Variants in RUFY2 observed in about 807,000 individuals in gnomAD.
The protein encoded by RUFY2 is RUN and FYVE domain-containing protein 2.
A neutral mutation model predicts 94.4 loss-of-function variants in RUFY2; 49 were observed. The observed-to-expected ratio is 0.52, with a 90% confidence interval of 0.41 to 0.66. The LOEUF is 0.66. Among genes scored for constraint, RUFY2 ranks in the 30% least tolerant of loss-of-function variants. The pLI is 0.00. For synonymous variants in RUFY2, 255 were observed against 235.7 expected, an observed-to-expected ratio of 1.08 and a Z score of -0.75; for missense variants, 541 against 692.8, an observed-to-expected ratio of 0.78 and a Z score of 2.46.
In RUFY2 at chr10:68,377,512, C is replaced by CTA. The variant is rs1554886011; in HGVS notation, c.1206-541_1206-540insTA. The CTA allele has an allele frequency of 3.5e-6, 3 of 859,640 alleles. No homozygotes were observed. The Admixed American group carries it at 1.9e-4, about 54-fold the overall frequency. The allele number at this position is 859,640 out of a possible 1,614,324, so 53.3% of individuals were successfully genotyped here. A position where few individuals can be genotyped will look rare whatever the true frequency, so the allele number is the denominator to read the frequency against. ...GCATTTACTAAATTATGCCGAAGCT[C>CTA]TGTGTGTGTGTGTGTGTGCACGTGT... On this transcript the variant is annotated intron_variant, in intron 12 of 17. Transcript: ENST00000602465.
rs373926305 is a variant in RUFY2 at position 68,363,620 on chromosome 10, G to C, written c.1520C>G (p.Ala507Gly). 6 of 1,608,150 alleles carry C rather than the reference G, an allele frequency of 3.7e-6. No homozygotes were observed. The highest frequency in any genetic ancestry group is 4.2e-6 in the Non-Finnish European group (5 of 1,178,208). The change falls in exon 15 of 18, where the codon GCT becomes GGT. Residue 507 changes from alanine (A) to glycine (G), a missense_variant. By Grantham distance (60) the Ala-to-Gly change is moderately conservative. This residue lies in a region of RUFY2 where 403 missense variants were observed against 480.7 expected (regional missense o/e 0.84). Transcript: ENST00000602465. ...LKKIYHEQEQ[A>G]LQELGNKLSE... is the part of the protein sequence containing the mutation. The stretch of plus-strand genomic sequence containing the variant: ...AAGCTTGTTGCCGAGTTCTTGAAGA[G>C]CTTGCTCTTGTTCATGATATATTTT...
At chr10:68,341,152 A>G (rs771087239), downstream of RUFY2, 19 of 1,504,888 alleles carry the variant, frequency 1.3e-5, no homozygotes, top group Admixed American at 9.4e-5. Context: ...AGAAAAGTAA[A>G]TAAGTGTTTC....
chr10:68,366,866 AATAAATATATATATAT>A (rs1290368474), intron 13 of RUFY2, among the ~76,000 whole-genome samples: 3 of 124,040 alleles, frequency 2.4e-5, no homozygotes, highest in Non-Finnish European at 5.1e-5. Context: ...AAATATATTA[AATAAATATATATATAT>A]ATAAATATAT....
rs369610865 is a variant in RUFY2, at chr10:68,404,717, C to T, written c.132G>A (p.Gln44=). The T allele has an allele frequency of 3.1e-6, 5 of 1,612,656 alleles. No homozygotes were observed. The African/African-American group carries it at 6.7e-5, about 22-fold the overall frequency. ...AATGTTCCATAACAACAAAGAATTG[C>T]TGCAAGGGGGGATAGTCAGAATCCA... is the stretch of plus-strand genomic sequence containing the variant. ...RTLDSDYPPL[Q]QFFVVMEHCL... The change falls in exon 2 of 18, where the codon CAG becomes CAA. Residue 44 remains glutamine (Q), a synonymous_variant. Transcript: ENST00000602465.
rs1269406036 is a variant in RUFY2, at chr10:68,407,238, A to C, written c.-49T>G. Reference sequence around the variant, plus strand: ...GGGCGGAGGCTCCCTCGGCCTGTCCAGCAGCTCCTTCCAGGCGCTCGGCGG... The same window carrying C: ...GGGCGGAGGCTCCCTCGGCCTGTCCCGCAGCTCCTTCCAGGCGCTCGGCGG... On this transcript the variant is annotated 5_prime_UTR_variant, in exon 1 of 18. Transcript: ENST00000602465. 10 of 1,324,628 alleles carry C rather than the reference A, an allele frequency of 7.5e-6. No individual in the cohort carries two copies. The South Asian group carries it at 1.9e-4, about 26-fold the overall frequency. The allele number at this position is 1,324,628 out of a possible 1,614,324, so 82.1% of individuals were successfully genotyped here.
chr10:68,397,627 C>A (rs1379168950), intron 3 of RUFY2, among the ~76,000 whole-genome samples: 1 of 150,710 alleles, frequency 6.6e-6, no homozygotes, highest in Non-Finnish European at 1.5e-5. Context: ...GAAAAAAAAT[C>A]AAAATGCCAG....
At chr10:68,372,718 C>T (rs897350010) in intron 13 of RUFY2, among the ~76,000 whole-genome samples, 4 of 151,752 alleles carry the variant, frequency 2.6e-5, no homozygotes, top group Admixed American at 1.3e-4. Context: ...GAAGAAACCC[C>T]GTGTCCACCA....
chr10:68,387,896 A>G (rs1451746587), intron 7 of RUFY2, among the ~76,000 whole-genome samples: 2 of 151,702 alleles, frequency 1.3e-5, no homozygotes, highest in African/African-American at 2.4e-5. Context: ...CCAGCTACTC[A>G]GGAGGCTGAG....
chr10:68,373,051 T>C (rs1422990782), intron 13 of RUFY2, among the ~76,000 whole-genome samples: 1 of 152,226 alleles, frequency 6.6e-6, no homozygotes, highest in Non-Finnish European at 1.5e-5. Context: ...TATTACAACA[T>C]TGTCTAACAT....
intron 7 of RUFY2, among the ~76,000 whole-genome samples, chr10:68,391,812 A>T (rs2050010225): frequency 6.6e-6 from 1 of 151,578 alleles, no homozygotes; most frequent in Admixed American, 6.6e-5. Context: ...ATACAAAAAA[A>T]TTAACTGTGC....
At chr10:68,350,103 G>A (rs546643323) in intron 16 of RUFY2, among the ~76,000 whole-genome samples, 6 of 151,896 alleles carry the variant, frequency 4.0e-5, no homozygotes, top group Admixed American at 6.6e-5. Flanking sequence ...TCCGCCTCCC[G>A]GGTTCAAGTG....
intron 16 of RUFY2, among the ~76,000 whole-genome samples, chr10:68,350,799 G>A (rs760080358): frequency 2.0e-5 from 3 of 151,170 alleles, no homozygotes; most frequent in Non-Finnish European, 2.9e-5. Context: ...CACAACCTCC[G>A]CCTCCCAGGT....
chr10:68,395,399 A>AT (rs1409628554), intron 4 of RUFY2, among the ~76,000 whole-genome samples: 2 of 151,984 alleles, frequency 1.3e-5, no homozygotes, highest in African/African-American at 2.4e-5. Flanking sequence ...ACTCAGATGG[A>AT]TATAGTGACT....
intron 6 of RUFY2, 111 bp downstream of exon 6, chr10:68,393,964 A>C: frequency 7.1e-7 from 1 of 1,418,234 alleles, no homozygotes; most frequent in Non-Finnish European, 9.3e-7. Context: ...AAGAAGTCAC[A>C]GGGGGGAAAA....
intron 11 of RUFY2, 104 bp from the exon 12 acceptor site, chr10:68,379,625 C>T (rs2048896594): frequency 2.7e-6 from 2 of 739,192 alleles, no homozygotes; most frequent in African/African-American, 1.8e-5. Flanking sequence ...CTATGCAGCC[C>T]AGGTTGGATT....
chr10:68,393,360 T>C (rs1404651427), intron 6 of RUFY2, among the ~76,000 whole-genome samples, 157 bp from the exon 7 acceptor site: 1 of 152,202 alleles, frequency 6.6e-6, no homozygotes, highest in East Asian at 1.9e-4. Flanking sequence ...GTGTACTAAG[T>C]ATCTATAACC....
intron 15 of RUFY2, among the ~76,000 whole-genome samples, chr10:68,358,062 C>T (rs1259695875): frequency 6.6e-6 from 1 of 152,068 alleles, no homozygotes; most frequent in Non-Finnish European, 1.5e-5. Context: ...GTGGTATGCA[C>T]CTGTAGTCCC....
chr10:68,376,735 A>T (rs1589885445), intron 13 of RUFY2, 118 bp downstream of exon 13: 14 of 1,026,460 alleles, frequency 1.4e-5, no homozygotes, highest in Admixed American at 2.4e-5. Context: ...TAAAGTAAAC[A>T]CTAAAAGCTA....
At chr10:68,374,075 C>G (rs2048451784) in intron 13 of RUFY2, among the ~76,000 whole-genome samples, 1 of 144,884 alleles carries the variant, frequency 6.9e-6, no homozygotes, top group Admixed American at 7.1e-5. Context: ...TATGATCATG[C>G]CACTGCACTC....
Sources: gnomAD v4.1 joint callset for allele counts (sites outside exome capture counted in the v4.1 genomes callset) on GRCh38, gnomAD v4.1.1 for gene constraint, gnomAD v4.1.1 regional missense constraint, MANE v1.5 for transcripts, NCBI Gene and HGNC (gene_info 2026-07-23, HGNC 2026-07-21) for gene names.